The following GFRA1 variants were observed in gnomAD, a reference collection of about 807,000 sequenced individuals.
GFRA1 encodes the protein GDNF family receptor alpha-1.
A neutral mutation model predicts 51.6 loss-of-function variants in GFRA1; 16 were observed. The ratio of observed to expected loss-of-function variants is 0.31; its 90% CI spans 0.21 to 0.47. GFRA1 has a LOEUF of 0.47. Among genes scored for constraint, GFRA1 ranks in the 20% least tolerant of loss-of-function variants. The pLI, the probability that GFRA1 is intolerant of heterozygous loss-of-function variation, is 1.00. For missense variants in GFRA1, 530 were observed against 594.3 expected, an observed-to-expected ratio of 0.89 and a Z score of 1.13; for synonymous variants, 270 against 241.3, an observed-to-expected ratio of 1.12 and a Z score of -1.10.
intron 9 of GFRA1, among the ~76,000 whole-genome samples, chr10:116,083,083 G>A (rs1354538861): frequency 1.3e-5 from 2 of 152,200 alleles, no homozygotes; most frequent in Non-Finnish European, 2.9e-5. Context: ...AATAGTCATG[G>A]AGCCACAGGA....
chr10:116,112,584 T>C (rs1463705628), intron 6 of GFRA1, among the ~76,000 whole-genome samples: 2 of 152,168 alleles, frequency 1.3e-5, no homozygotes, highest in Non-Finnish European at 2.9e-5. Flanking sequence ...AAAGGGTTTT[T>C]ACACAGCAGC....
At chr10:116,176,816 G>A (rs893631917) in intron 5 of GFRA1, among the ~76,000 whole-genome samples, 1 of 146,924 alleles carries the variant, frequency 6.8e-6, no homozygotes, top group Admixed American at 7.2e-5. Context: ...ATAAGACTCT[G>A]TGACAGTCCT....
chr10:116,174,882 G>C (rs1005053771), intron 5 of GFRA1, among the ~76,000 whole-genome samples: 1 of 152,078 alleles, frequency 6.6e-6, no homozygotes, highest in African/African-American at 2.4e-5. Flanking sequence ...GGCTCTGAGT[G>C]AGCTATGGAT....
chr10:116,269,382 T>C (rs1969915634), intron 4 of GFRA1, 121 bp downstream of exon 4: 3 of 728,088 alleles, frequency 4.1e-6, no homozygotes, highest in South Asian at 1.5e-5. Context: ...CTATTTCTAA[T>C]TTCCCAGAAA....
At chr10:116,200,258 A>C (rs2134383522) in intron 5 of GFRA1, among the ~76,000 whole-genome samples, 1 of 152,258 alleles carries the variant, frequency 6.6e-6, no homozygotes, top group South Asian at 2.1e-4. Flanking sequence ...GGCACTGTCT[A>C]TCTTGATCCA....
intron 5 of GFRA1, among the ~76,000 whole-genome samples, chr10:116,189,597 T>A (rs1037868775): frequency 3.9e-4 from 60 of 152,298 alleles, no homozygotes; most frequent in African/African-American, 1.3e-3. Flanking sequence ...CATAGCAGAA[T>A]TATTACATAA....
chr10:116,085,469 A>G (rs1454649272), intron 9 of GFRA1, among the ~76,000 whole-genome samples: 1 of 152,222 alleles, frequency 6.6e-6, no homozygotes, highest in East Asian at 1.9e-4. Flanking sequence ...ATTCTGAGTC[A>G]TGACACATGT....
chr10:116,094,093 G>A (rs764618189), intron 7 of GFRA1, among the ~76,000 whole-genome samples: 1 of 152,104 alleles, frequency 6.6e-6, no homozygotes, highest in Non-Finnish European at 1.5e-5. Flanking sequence ...CTGCACAAAT[G>A]GTATGGATGT....
intron 5 of GFRA1, among the ~76,000 whole-genome samples, chr10:116,176,259 T>G (rs943723717): frequency 3.3e-5 from 5 of 152,226 alleles, no homozygotes; most frequent in Non-Finnish European, 7.3e-5. Flanking sequence ...AGTGCCTGCA[T>G]GAACACTTAA....
chr10:116,177,175 T>C (rs1961706806), intron 5 of GFRA1, among the ~76,000 whole-genome samples: 1 of 152,058 alleles, frequency 6.6e-6, no homozygotes, highest in African/African-American at 2.4e-5. Context: ...AAATGCAGGC[T>C]CCCTACTCAG....
chr10:116,096,868 TGCACACGCACAC>T lies in GFRA1; in HGVS notation c.771-116_771-105del, dbSNP rs66851912. ...ATTCCTTTGTTGATATGCCTTTTTC[TGCACACGCACAC>T]GCACACACACACACACACACATACA... On this transcript the variant is annotated intron_variant, in intron 6 of 10. Coordinates refer to ENST00000355422, the MANE Select transcript of GFRA1 (RefSeq NM_005264.8). 21 of 639,220 alleles carry T rather than the reference TGCACACGCACAC, an allele frequency of 3.3e-5. No homozygotes were observed. The Admixed American group carries it at 3.4e-4, about 10-fold the overall frequency. 39.6% of individuals were successfully genotyped at this position (639,220 alleles called of 1,614,324 possible).
At chr10:116,091,656 A>C (rs776525408) in intron 8 of GFRA1, among the ~76,000 whole-genome samples, 2 of 152,214 alleles carry the variant, frequency 1.3e-5, no homozygotes, top group Non-Finnish European at 2.9e-5. Context: ...TCATGAAAGG[A>C]GAATCTGGGA....
intron 4 of GFRA1, among the ~76,000 whole-genome samples, chr10:116,248,748 T>C (rs1968074741): frequency 6.6e-6 from 1 of 152,114 alleles, no homozygotes; most frequent in African/African-American, 2.4e-5. Flanking sequence ...CCTAAGAGCA[T>C]GGGGTCTGTT....
At chr10:116,088,998 A>G (rs1169157084) in intron 9 of GFRA1, among the ~76,000 whole-genome samples, 1 of 151,730 alleles carries the variant, frequency 6.6e-6, no homozygotes, top group Non-Finnish European at 1.5e-5. Flanking sequence ...GTCCTGCCAA[A>G]TAGCTGAGTA....
intron 5 of GFRA1, among the ~76,000 whole-genome samples, chr10:116,132,005 G>T (rs1045557473): frequency 4.0e-5 from 6 of 151,018 alleles, no homozygotes; most frequent in African/African-American, 1.5e-4. Flanking sequence ...CCAGAAGATC[G>T]AGACCAGCTT....
chr10:116,193,284 T>C (rs976372578), intron 5 of GFRA1, among the ~76,000 whole-genome samples: 6 of 152,162 alleles, frequency 3.9e-5, no homozygotes, highest in African/African-American at 1.4e-4. Flanking sequence ...CTCCAGGGGC[T>C]ATTAAAGTTT....
In GFRA1 at chr10:116,062,223, T is replaced by A. The variant is rs1025435953; in HGVS notation, c.*2175A>T. The A allele has an allele frequency of 5.0e-6, 2 of 398,228 alleles. No homozygotes were observed. Among genetic ancestry groups the A allele is most frequent in the African/African-American group, 4.1e-5 (2 of 48,632 alleles). 24.7% of individuals were successfully genotyped at this position (398,228 alleles called of 1,614,324 possible). ...TGGATCACATAGAATCAGATCCCTA[T>A]GAAATTAGTCCAGTGTAGATACACA... On this transcript the variant is annotated 3_prime_UTR_variant, in exon 11 of 11. Transcript: ENST00000355422.
chr10:116,186,566 CTCTTAAAA>C (rs1450931386), intron 5 of GFRA1, among the ~76,000 whole-genome samples: 9 of 76,044 alleles, frequency 1.2e-4, no homozygotes, highest in African/African-American at 3.6e-4. Context: ...AGAGGAAAGG[CTCTTAAAA>C]AAAAAAAAAA....
intron 5 of GFRA1, among the ~76,000 whole-genome samples, chr10:116,183,128 A>ATTCTTTTCCT (rs1962391101): frequency 6.6e-6 from 1 of 152,230 alleles, no homozygotes; most frequent in Admixed American, 6.5e-5. Context: ...GGGAACAAGT[A>ATTCTTTTCCT]CAGCAAGTGT....
Sources: gnomAD v4.1 joint callset for allele counts (sites outside exome capture counted in the v4.1 genomes callset) on GRCh38, gnomAD v4.1.1 for gene constraint, MANE v1.5 for transcripts, NCBI Gene and HGNC (gene_info 2026-07-23, HGNC 2026-07-21) for gene names.